USH2A: variants seen among roughly 807,000 people sequenced by gnomAD.
USH2A encodes the protein Usher syndrome 2A (autosomal recessive, mild).
Under a neutral mutation model 538.9 loss-of-function variants are expected in USH2A, and 443 were observed. That is an observed-to-expected ratio of 0.82 (90% CI 0.76 to 0.89). USH2A has a LOEUF of 0.89. USH2A is among the 40% of genes least tolerant of loss of function. USH2A has a pLI of 0.00. For missense variants in USH2A, 6,633 were observed against 6,324.8 expected (o/e 1.05, Z -1.65); for synonymous variants, 2,413 against 2,273.5 (o/e 1.06, Z -1.75).
chr1:216,075,763 C>T (rs1326617955), intron 27 of USH2A, among the ~76,000 whole-genome samples: 2 of 152,020 alleles, frequency 1.3e-5, no homozygotes, highest in Non-Finnish European at 2.9e-5. Context: ...TGAGCTGGCA[C>T]ATCTTCAGCA....
At chr1:216,310,301 T>A (rs2037395193) in intron 9 of USH2A, among the ~76,000 whole-genome samples, 2 of 152,116 alleles carry the variant, frequency 1.3e-5, no homozygotes, top group Admixed American at 1.3e-4. Context: ...ATTAAATATA[T>A]CAACTATACC....
intron 38 of USH2A, among the ~76,000 whole-genome samples, chr1:215,928,446 T>G (rs2102494483): frequency 6.6e-6 from 1 of 152,200 alleles, no homozygotes; most frequent in Admixed American, 6.5e-5. Flanking sequence ...AAAAGAAAAA[T>G]TATGTATCTG....
intron 21 of USH2A, among the ~76,000 whole-genome samples, chr1:216,155,855 G>A (rs1237307802): frequency 6.6e-6 from 1 of 151,992 alleles, no homozygotes; most frequent in African/African-American, 2.4e-5. Context: ...ATTCTTATAA[G>A]GAAGATCTTC....
intron 20 of USH2A, among the ~76,000 whole-genome samples, chr1:216,189,953 T>C (rs1178131609): frequency 1.3e-5 from 2 of 152,026 alleles, no homozygotes; most frequent in Non-Finnish European, 2.9e-5. Flanking sequence ...TTTCTAGTTG[T>C]ATATTCTATA....
intron 21 of USH2A, among the ~76,000 whole-genome samples, chr1:216,107,972 T>C (rs561445099): frequency 7.2e-5 from 11 of 152,034 alleles, no homozygotes; most frequent in African/African-American, 2.4e-4. Context: ...TAATTTTATA[T>C]ATGTTGTAAA....
intron 2 of USH2A, among the ~76,000 whole-genome samples, chr1:216,421,437 G>C (rs975790140): frequency 6.6e-6 from 1 of 152,086 alleles, no homozygotes; most frequent in African/African-American, 2.4e-5. Flanking sequence ...AGAACTATCT[G>C]CCTAATGAAA....
At chr1:216,380,104 T>C (rs183913933) in intron 3 of USH2A, among the ~76,000 whole-genome samples, 84 of 152,280 alleles carry the variant, frequency 5.5e-4, no homozygotes, top group Non-Finnish European at 1.1e-3. Flanking sequence ...ATTAATGATC[T>C]ACAAGTAGCA....
intron 34 of USH2A, among the ~76,000 whole-genome samples, chr1:215,998,639 C>G (rs1037717551): frequency 2.6e-5 from 4 of 152,018 alleles, no homozygotes; most frequent in African/African-American, 9.7e-5. Flanking sequence ...ATAATCCCAA[C>G]TTTGACTTGG....
chr1:215,824,156 C>T (rs1663091882), intron 47 of USH2A, among the ~76,000 whole-genome samples: 1 of 152,040 alleles, frequency 6.6e-6, no homozygotes, highest in Non-Finnish European at 1.5e-5. Context: ...TTTTAATTCC[C>T]TGAATTTATT....
At chr1:215,907,700 T>C (rs1278288027) in intron 38 of USH2A, among the ~76,000 whole-genome samples, 3 of 152,056 alleles carry the variant, frequency 2.0e-5, no homozygotes, top group African/African-American at 7.2e-5. Context: ...TAGCTGACCA[T>C]ACCAGATTAA....
chr1:216,233,853 G>T (rs1330999463), intron 13 of USH2A, among the ~76,000 whole-genome samples: 1 of 152,086 alleles, frequency 6.6e-6, no homozygotes, highest in East Asian at 1.9e-4. Flanking sequence ...TCTTAGTGTT[G>T]TGTGATGTGT....
chr1:216,180,264 C>T (rs138528969), intron 20 of USH2A, among the ~76,000 whole-genome samples: 122 of 152,028 alleles, frequency 8.0e-4, no homozygotes, highest in African/African-American at 2.8e-3. Context: ...GGATAATATA[C>T]AAAGTTTAAA....
intron 22 of USH2A, among the ~76,000 whole-genome samples, chr1:216,089,996 T>A (rs2032256594): frequency 6.6e-6 from 1 of 151,994 alleles, no homozygotes; most frequent in Non-Finnish European, 1.5e-5. Context: ...CAGCTACTAG[T>A]ACTACTATTA....
intron 9 of USH2A, among the ~76,000 whole-genome samples, chr1:216,309,515 T>A (rs2037382349): frequency 1.3e-5 from 2 of 152,172 alleles, no homozygotes; most frequent in African/African-American, 4.8e-5. Flanking sequence ...ATATCCTTTT[T>A]CTTTCGTTCT....
At chr1:216,164,500 T>A (rs1572013176) in intron 21 of USH2A, among the ~76,000 whole-genome samples, 2 of 151,512 alleles carry the variant, frequency 1.3e-5, no homozygotes, top group Non-Finnish European at 2.9e-5. Context: ...ACATAGAGAG[T>A]CTTAGTTTTC....
intron 61 of USH2A, among the ~76,000 whole-genome samples, chr1:215,693,769 G>C (rs555025677): frequency 5.9e-5 from 9 of 152,118 alleles, no homozygotes; most frequent in Non-Finnish European, 1.3e-4. Context: ...CCTCATGAAG[G>C]GGATGAAGGT....
intron 21 of USH2A, among the ~76,000 whole-genome samples, chr1:216,140,566 A>T (rs2033583248): frequency 6.6e-6 from 1 of 152,162 alleles, no homozygotes; most frequent in South Asian, 2.1e-4. Context: ...CTCCAATTTG[A>T]TCTCATGTTT....
intron 38 of USH2A, among the ~76,000 whole-genome samples, chr1:215,904,540 C>T (rs940842982): frequency 6.6e-6 from 1 of 152,038 alleles, no homozygotes; most frequent in Non-Finnish European, 1.5e-5. Flanking sequence ...TTAGAGGCTC[C>T]TTAGCACCAA....
At chr1:215,811,568 C>A (rs1393824251) in intron 49 of USH2A, among the ~76,000 whole-genome samples, 1 of 151,238 alleles carries the variant, frequency 6.6e-6, no homozygotes, top group Admixed American at 6.6e-5. Flanking sequence ...AACCAATAAG[C>A]ATTCCTCATT....
Sources: gnomAD v4.1 joint callset for allele counts (sites outside exome capture counted in the v4.1 genomes callset) on GRCh38, gnomAD v4.1.1 for gene constraint, MANE v1.5 for transcripts, NCBI Gene and HGNC (gene_info 2026-07-23, HGNC 2026-07-21) for gene names.